Variants in SMU1 observed in about 807,000 individuals in gnomAD.
SMU1 encodes SMU1 DNA replication regulator and spliceosomal factor.
A neutral mutation model predicts 62.0 loss-of-function variants in SMU1; 2 were observed. That is an observed-to-expected ratio of 0.03 (90% CI 0.01 to 0.10). The LOEUF is 0.10. Ranked by LOEUF, SMU1 falls within the 10% of genes least tolerant of loss-of-function variation. The pLI, the probability that SMU1 is intolerant of heterozygous loss-of-function variation, is 1.00. For missense variants in SMU1, 227 were observed against 622.1 expected (o/e 0.36, Z 6.76); for synonymous variants, 188 against 212.4 (o/e 0.89, Z 1.00).
chr9:33,052,916 A>G (rs928510998), intron 10 of SMU1, among the ~76,000 whole-genome samples: 1 of 152,242 alleles, frequency 6.6e-6, no homozygotes, highest in African/African-American at 2.4e-5. Flanking sequence ...CTTAATATAC[A>G]AACATCCAGG....
At chr9:33,072,575 T>A (rs1839498298) in intron 2 of SMU1, among the ~76,000 whole-genome samples, 1 of 151,822 alleles carries the variant, frequency 6.6e-6, no homozygotes, top group Non-Finnish European at 1.5e-5. Context: ...CTCACACCTG[T>A]AATCCCAGCA....
chr9:33,049,197 C>T (rs533351214), intron 10 of SMU1, among the ~76,000 whole-genome samples: 32 of 152,200 alleles, frequency 2.1e-4, no homozygotes, highest in Non-Finnish European at 4.3e-4. Context: ...AGTTGGAGGG[C>T]TCACAATACC....
intron 10 of SMU1, among the ~76,000 whole-genome samples, chr9:33,051,540 T>C (rs1416696051): frequency 6.6e-6 from 1 of 152,062 alleles, no homozygotes; most frequent in Non-Finnish European, 1.5e-5. Context: ...ATACTGATAG[T>C]GTGGAAGGCT....
intron 5 of SMU1, among the ~76,000 whole-genome samples, chr9:33,061,609 A>G (rs1047986176): frequency 2.0e-5 from 3 of 152,200 alleles, no homozygotes; most frequent in Non-Finnish European, 4.4e-5. Flanking sequence ...AAAAAACCAC[A>G]CCATAGGAAG....
rs1839158036 is a variant in SMU1, at chr9:33,044,265, T to C, written c.*3028A>G. ...CTGATTCCCGGCAGCCAACTCCCGT[T>C]CGCGCAGCCGCTGCCACCGGCCCTT... On this transcript the variant is annotated 3_prime_UTR_variant, in exon 12 of 12. Transcript: ENST00000397149. 1 of 152,462 alleles carries C rather than the reference T, an allele frequency of 6.6e-6. No homozygotes were observed. Among genetic ancestry groups the C allele is most frequent in the African/African-American group, 2.4e-5 (1 of 41,462 alleles). 9.4% of individuals were successfully genotyped at this position (152,462 alleles called of 1,614,324 possible).
rs1839134201 is a variant in SMU1, at chr9:33,042,224, A to ATAGGTTTGTCTGTGTAGT, written c.*5051_*5068dup. On this transcript the variant is annotated 3_prime_UTR_variant, in exon 12 of 12. Transcript: ENST00000397149. ...TTATATCCTGAAGAGGCAGAAACTG[A>ATAGGTTTGTCTGTGTAGT]TAGGTTTGTCTGTGTAGTTTTTCAG... 1 of 152,864 alleles carries ATAGGTTTGTCTGTGTAGT rather than the reference A, an allele frequency of 6.5e-6. No individual in the cohort carries two copies. Among genetic ancestry groups the ATAGGTTTGTCTGTGTAGT allele is most frequent in the Admixed American group, 6.5e-5 (1 of 15,286 alleles). The allele number at this position is 152,864 out of a possible 1,614,324, so 9.5% of individuals were successfully genotyped here. A position where few individuals can be genotyped will look rare whatever the true frequency, so the allele number is the denominator to read the frequency against.
At chr9:33,053,099 C>T (rs767577464) in intron 10 of SMU1, 24 bp downstream of exon 10, 1 of 1,607,200 alleles carries the variant, frequency 6.2e-7, no homozygotes, top group Non-Finnish European at 8.5e-7. Context: ...AGTTCCTGTG[C>T]AAGGGTACGT....
chr9:33,057,564 T>A lies in SMU1; in HGVS notation c.867+34A>T, dbSNP rs199930803. Reference sequence around the variant, plus strand: ...ACCCCATAGCAGAACATTCAAAATGTCTACATATGAGAGGCTGTGGCACTA... The same window carrying A: ...ACCCCATAGCAGAACATTCAAAATGACTACATATGAGAGGCTGTGGCACTA... On this transcript the variant is annotated intron_variant, in intron 7 of 11. Transcript: ENST00000397149. The A allele has an allele frequency of 7.5e-4, 1,203 of 1,611,336 alleles. 24 individuals carry two copies. The South Asian group carries it at 0.012, about 16-fold the overall frequency.
chr9:33,066,246 G>A lies in SMU1; in HGVS notation c.501+2578C>T, dbSNP rs185949809. Among the ~76,000 whole-genome samples, 10 of 152,124 alleles carry A rather than the reference G, an allele frequency of 6.6e-5. No individual in the cohort carries two copies. In the East Asian group the frequency reaches 1.9e-3, roughly 29 times the overall value. On this transcript the variant is annotated intron_variant, in intron 4 of 11. Coordinates refer to ENST00000397149, the MANE Select transcript of SMU1 (RefSeq NM_018225.3). ...AAAACTCAGAGAAAAAGAAAAAATA[G>A]GAATACAGGGACAATGCAGGAAGGA...
chr9:33,060,684 C>T, intron 5 of SMU1, 100 bp from the exon 6 acceptor site: 1 of 1,461,826 alleles, frequency 6.8e-7, no homozygotes, highest in East Asian at 2.3e-5. Context: ...AGCATAAAGT[C>T]ATAGCTGGCC....
intron 10 of SMU1, among the ~76,000 whole-genome samples, chr9:33,051,377 C>T (rs149798121): frequency 5.3e-4 from 81 of 152,224 alleles, no homozygotes; most frequent in Middle Eastern, 6.8e-3. Flanking sequence ...GTACAATTCT[C>T]TAATGGTAGA....
chr9:33,064,673 A>G (rs966337862), intron 4 of SMU1, among the ~76,000 whole-genome samples: 3 of 152,120 alleles, frequency 2.0e-5, no homozygotes, highest in African/African-American at 7.2e-5. Flanking sequence ...TATTAAATGC[A>G]GTATTTCTAA....
intron 10 of SMU1, among the ~76,000 whole-genome samples, chr9:33,049,586 A>G (rs1225952791): frequency 6.6e-6 from 1 of 152,210 alleles, no homozygotes; most frequent in African/African-American, 2.4e-5. Context: ...GAAATAACTG[A>G]TAAGCTAGAC....
chr9:33,069,880 C>T (rs1311163798), intron 3 of SMU1, among the ~76,000 whole-genome samples: 1 of 152,110 alleles, frequency 6.6e-6, no homozygotes, highest in Non-Finnish European at 1.5e-5. Context: ...CATCCTAGCA[C>T]TTTGGGAGGC....
intron 10 of SMU1, among the ~76,000 whole-genome samples, chr9:33,050,716 C>T (rs553718190): frequency 6.6e-6 from 1 of 151,824 alleles, no homozygotes; most frequent in Non-Finnish European, 1.5e-5. Flanking sequence ...ATCCCAGCTA[C>T]TCGGGAGGCT....
intron 9 of SMU1, among the ~76,000 whole-genome samples, 170 bp downstream of exon 9, chr9:33,055,943 G>A (rs1223751756): frequency 1.3e-5 from 2 of 152,164 alleles, no homozygotes. Flanking sequence ...AGGCCAATGG[G>A]AATTACCCAC....
chr9:33,067,306 A>AAC (rs1839432964), intron 4 of SMU1, among the ~76,000 whole-genome samples: 1 of 123,278 alleles, frequency 8.1e-6, no homozygotes, highest in African/African-American at 2.5e-5. Context: ...CCAAAAAAAA[A>AAC]AAAAAAAAAA....
At chr9:33,052,434 G>C (rs1356344060) in intron 10 of SMU1, among the ~76,000 whole-genome samples, 2 of 152,166 alleles carry the variant, frequency 1.3e-5, no homozygotes, top group African/African-American at 4.8e-5. Context: ...AAAAGATACT[G>C]CGGACCAGCC....
chr9:33,071,684 A>C, intron 3 of SMU1, 56 bp downstream of exon 3: 2 of 1,473,098 alleles, frequency 1.4e-6, no homozygotes, highest in Non-Finnish European at 9.2e-7. Context: ...AAAAAAGATC[A>C]TGTTATTTCA....
Sources: gnomAD v4.1 joint callset for allele counts (sites outside exome capture counted in the v4.1 genomes callset) on GRCh38, gnomAD v4.1.1 for gene constraint, MANE v1.5 for transcripts, NCBI Gene and HGNC (gene_info 2026-07-23, HGNC 2026-07-21) for gene names.